LRRC56: variants seen among roughly 807,000 people sequenced by gnomAD.
LRRC56 encodes the protein leucine rich repeat containing 56.
Under a neutral mutation model 47.8 loss-of-function variants are expected in LRRC56, and 41 were observed. That is an observed-to-expected ratio of 0.86 (90% CI 0.67 to 1.11). The LOEUF is 1.11. Ranked by LOEUF, LRRC56 falls within the 50% of genes most tolerant of loss-of-function variation. The pLI is 0.00. For synonymous variants in LRRC56, 387 were observed against 311.2 expected (o/e 1.24, Z -2.56); for missense variants, 759 against 704.2 (o/e 1.08, Z -0.88).
chr11:518,865 T>A, the LRRC56 span, among the ~76,000 whole-genome samples: 16 of 150,832 alleles, frequency 1.1e-4, no homozygotes, highest in African/African-American at 3.2e-4. Flanking sequence ...AGGCCGGGAC[T>A]CGGGCGCCCT....
At chr11:516,962 G>C in the LRRC56 span, among the ~76,000 whole-genome samples, 5 of 152,198 alleles carry the variant, frequency 3.3e-5, no homozygotes, top group Non-Finnish European at 7.3e-5. Context: ...TGGTTCTCCT[G>C]CCTCGGCCTG....
At chr11:550,571 C>T (rs1049996404) in intron 8 of LRRC56, among the ~76,000 whole-genome samples, 5 of 152,324 alleles carry the variant, frequency 3.3e-5, no homozygotes, top group South Asian at 2.1e-4. Flanking sequence ...CACGTGTACA[C>T]GGATGTGTGC....
chr11:543,539 A>G (rs1851910904), intron 5 of LRRC56, among the ~76,000 whole-genome samples: 1 of 152,072 alleles, frequency 6.6e-6, no homozygotes, highest in Admixed American at 6.6e-5. Flanking sequence ...AGAGCAGGGA[A>G]GCGTCTTCCC....
rs763867090 is a variant in LRRC56 at position 554,054 on chromosome 11, G to C, written c.1407G>C (p.Ser469=). ...CTGGCAGCAGCTCCCCGCGGTGGTC[G>C]ACAGACCTGCAGTCCAGGGGGCGTC... is the stretch of plus-strand genomic sequence containing the variant. ...RDSGSSSPRW[S]TDLQSRGRRL... is the part of the protein sequence containing the mutation. The change falls in exon 14 of 14, where the codon TCG becomes TCC. Residue 469 remains serine, a synonymous_variant. Transcript: ENST00000270115. 7.4e-6 allele frequency: 12 copies of C among 1,611,298 alleles called. No individual in the cohort carries two copies. The highest frequency in any genetic ancestry group is 1.1e-5 in the South Asian group (1 of 91,060).
chr11:545,121 G>C (rs879593259), intron 6 of LRRC56, among the ~76,000 whole-genome samples: 13 of 152,182 alleles, frequency 8.5e-5, no homozygotes, highest in Admixed American at 7.2e-4. Flanking sequence ...CCCACTTGCC[G>C]TGTGACCCCT....
chr11:518,403 G>T, the LRRC56 span, among the ~76,000 whole-genome samples: 1 of 152,030 alleles, frequency 6.6e-6, no homozygotes, highest in Non-Finnish European at 1.5e-5. Context: ...GGATGGTCTC[G>T]ATCTCCTGAC....
At chr11:525,456 G>A in the LRRC56 span, among the ~76,000 whole-genome samples, 6 of 151,108 alleles carry the variant, frequency 4.0e-5, no homozygotes, top group South Asian at 6.3e-4. Flanking sequence ...GGAGAATGGC[G>A]TGAACCCAGT....
At chr11:550,791 C>T (rs1852343373) in intron 8 of LRRC56, among the ~76,000 whole-genome samples, 1 of 152,154 alleles carries the variant, frequency 6.6e-6, no homozygotes, top group Non-Finnish European at 1.5e-5. Context: ...CTTGGTGCTG[C>T]CACATGCTGA....
the LRRC56 span, among the ~76,000 whole-genome samples, chr11:511,320 CAAAA>C: frequency 3.8e-5 from 3 of 78,458 alleles, no homozygotes; most frequent in Admixed American, 1.3e-4. Flanking sequence ...GACTCCGTCT[CAAAA>C]AAAAAAAAAA....
chr11:540,942 G>A, intron 4 of LRRC56, 81 bp downstream of exon 4: 1 of 1,198,342 alleles, frequency 8.3e-7, no homozygotes, highest in Non-Finnish European at 1.1e-6. Flanking sequence ...TGATGGTCCA[G>A]CCTGCCCTCT....
the LRRC56 span, among the ~76,000 whole-genome samples, chr11:509,320 C>T: frequency 6.6e-6 from 1 of 152,230 alleles, no homozygotes; most frequent in Non-Finnish European, 1.5e-5. Flanking sequence ...CTGAAATGTT[C>T]TGGTTTCATT....
At chr11:512,195 G>A in the LRRC56 span, among the ~76,000 whole-genome samples, 6 of 151,776 alleles carry the variant, frequency 4.0e-5, no homozygotes, top group Non-Finnish European at 8.8e-5. Context: ...GCCTGCCCTG[G>A]CCTCCCAAAG....
chr11:518,899 G>A, the LRRC56 span, among the ~76,000 whole-genome samples: 1 of 130,418 alleles, frequency 7.7e-6, no homozygotes, highest in Non-Finnish European at 1.7e-5. Flanking sequence ...TGAGGGACCG[G>A]GGCGGGGGGG....
Position 550,555 on chromosome 11 carries a change from A to G in LRRC56, c.624+283A>G, listed in dbSNP as rs571704934. 7.7e-4 allele frequency among the ~76,000 whole-genome samples: 117 copies of G among 152,222 alleles called. 2 individuals carry two copies. The South Asian group carries it at 0.023, about 30-fold the overall frequency. ...CACACATAAGCCACGTGGAAACACA[A>G]AGAACCACGTGTACACGGATGTGTG... On this transcript the variant is annotated intron_variant, in intron 8 of 13. Coordinates refer to ENST00000270115, the MANE Select transcript of LRRC56 (RefSeq NM_198075.4).
intron 1 of LRRC56, among the ~76,000 whole-genome samples, 186 bp from the exon 2 acceptor site, chr11:538,412 C>T (rs1851627801): frequency 6.6e-6 from 1 of 152,180 alleles, no homozygotes; most frequent in Non-Finnish European, 1.5e-5. Context: ...GGCCTGGGGC[C>T]TTGCACTGGC....
upstream of LRRC56, chr11:534,551 G>A (rs1478245372): frequency 4.7e-5 from 28 of 591,922 alleles, no homozygotes; most frequent in Non-Finnish European, 7.8e-5. Context: ...CGGGAGGGCT[G>A]TCGCCTCGCC....
chr11:508,031 G>C, the LRRC56 span, among the ~76,000 whole-genome samples: 1 of 152,240 alleles, frequency 6.6e-6, no homozygotes. Context: ...ACAAAAGTGG[G>C]TTTTCTTTAA....
chr11:529,389 T>C, the LRRC56 span: 1 of 152,384 alleles, frequency 6.6e-6, no homozygotes, highest in African/African-American at 2.4e-5. Flanking sequence ...TGCCAGAAGA[T>C]GGGTTCCTGC....
In LRRC56 at chr11:550,102, G is replaced by T; in HGVS notation, c.454G>T (p.Asp152Tyr). 6.2e-7 allele frequency: 1 copy of T among 1,613,224 alleles called. No homozygotes were observed. Among genetic ancestry groups the T allele is most frequent in the Non-Finnish European group, 8.5e-7 (1 of 1,179,698 alleles). ...CTACGCCTCCTACAACAACATCTCG[G>T]ACCTGAGCCCACTGTGCCTGCTGGA... ...ELYASYNNIS[D>Y]LSPLCLLEQL... Residue 152 changes from aspartate to tyrosine, a missense_variant, in exon 8 of 14, where the codon GAC becomes TAC. By Grantham distance (160) the Asp-to-Tyr change is radical. Coordinates refer to ENST00000270115, the MANE Select transcript of LRRC56 (RefSeq NM_198075.4).
Sources: gnomAD v4.1 joint callset for allele counts (sites outside exome capture counted in the v4.1 genomes callset) on GRCh38, gnomAD v4.1.1 for gene constraint, MANE v1.5 for transcripts, NCBI Gene and HGNC (gene_info 2026-07-23, HGNC 2026-07-21) for gene names.